CLIC5: variants seen among roughly 807,000 people sequenced by gnomAD.
The protein encoded by CLIC5 is CLIC family member 5.
In CLIC5, 20 loss-of-function variants were observed where a neutral mutation model predicts 24.7. That is an observed-to-expected ratio of 0.81 (90% CI 0.57 to 1.18). CLIC5 has a LOEUF of 1.18. Among genes scored for constraint, CLIC5 ranks in the 50% most tolerant of loss-of-function variants. The pLI, the probability that CLIC5 is intolerant of heterozygous loss-of-function variation, is 0.00. For missense variants in CLIC5, 341 were observed against 326.1 expected (o/e 1.05, Z -0.35); for synonymous variants, 159 against 135.6 (o/e 1.17, Z -1.20).
In CLIC5 at chr6:46,031,300, C is replaced by T. The variant is rs76673643; in HGVS notation, c.540+48403G>A. Among the ~76,000 whole-genome samples the T allele has an allele frequency of 3.9e-3, 598 of 152,132 alleles. 3 individuals are homozygous for T. Among genetic ancestry groups the T allele is most frequent in the African/African-American group, 0.013 (537 of 41,504 alleles). On this transcript the variant is annotated intron_variant, in intron 1 of 5. Coordinates refer to the CLIC5 transcript ENST00000185206. The stretch of plus-strand genomic sequence containing the variant: ...TACATGATTATTTGCTGTGTGCCAA[C>T]GGGTGCCATAATGAAAATAATAAAA...
intron 1 of CLIC5, among the ~76,000 whole-genome samples, chr6:46,032,308 G>T (rs546975458): frequency 3.9e-5 from 6 of 152,196 alleles, no homozygotes; most frequent in Non-Finnish European, 7.3e-5. Flanking sequence ...CCACCCCCAT[G>T]ATCCAATCAC....
At chr6:46,048,315 T>A (rs1768011436) in intron 1 of CLIC5, among the ~76,000 whole-genome samples, 1 of 152,180 alleles carries the variant, frequency 6.6e-6, no homozygotes, top group Admixed American at 6.5e-5. Context: ...ATATTATATT[T>A]TGTAGTTGGA....
chr6:45,929,199 C>T (rs896537569), intron 4 of CLIC5, among the ~76,000 whole-genome samples: 3 of 152,228 alleles, frequency 2.0e-5, no homozygotes, highest in East Asian at 1.9e-4. Flanking sequence ...CCCAAGGATT[C>T]GTTTCAGGAG....
intron 4 of CLIC5, among the ~76,000 whole-genome samples, chr6:45,940,947 A>C (rs1764107888): frequency 6.6e-6 from 1 of 152,206 alleles, no homozygotes; most frequent in Non-Finnish European, 1.5e-5. Flanking sequence ...AAGGCCCCGC[A>C]AGAGAACCAA....
the CLIC5 span, among the ~76,000 whole-genome samples, chr6:46,122,657 A>G: frequency 6.6e-6 from 1 of 152,196 alleles, no homozygotes; most frequent in Non-Finnish European, 1.5e-5. Flanking sequence ...TTTTTTAAAA[A>G]GATCAACAAA....
chr6:46,127,880 G>A, the CLIC5 span, among the ~76,000 whole-genome samples: 1 of 152,184 alleles, frequency 6.6e-6, no homozygotes, highest in South Asian at 2.1e-4. Context: ...CCCAGTGGAA[G>A]TGAAAAATGA....
At chr6:45,910,385 T>C (rs1376417489) in intron 5 of CLIC5, among the ~76,000 whole-genome samples, 3 of 152,190 alleles carry the variant, frequency 2.0e-5, no homozygotes, top group African/African-American at 7.2e-5. Flanking sequence ...GGAGATTAAA[T>C]AGGTTGGGAT....
At chr6:46,097,320 T>A in the CLIC5 span, 1 of 152,208 alleles carries the variant, frequency 6.6e-6, no homozygotes, top group Non-Finnish European at 1.5e-5. Flanking sequence ...CTTTTCTGTA[T>A]GCTGGAAATT....
chr6:46,038,312 T>C (rs1048241997), intron 1 of CLIC5, among the ~76,000 whole-genome samples: 1 of 152,254 alleles, frequency 6.6e-6, no homozygotes, highest in African/African-American at 2.4e-5. Context: ...ATCTAGGCTT[T>C]AGACTGAATG....
the CLIC5 span, among the ~76,000 whole-genome samples, chr6:46,094,164 A>G: frequency 8.5e-5 from 13 of 152,224 alleles, no homozygotes; most frequent in Admixed American, 8.5e-4. Context: ...TAAGCCAATC[A>G]TCTTCCACCA....
At chr6:46,046,849 G>T (rs542800468) in intron 1 of CLIC5, among the ~76,000 whole-genome samples, 1 of 152,292 alleles carries the variant, frequency 6.6e-6, no homozygotes, top group Non-Finnish European at 1.5e-5. Context: ...AACCATCATT[G>T]ATTTGACAAT....
At chr6:46,080,899 C>T (rs1196696809), upstream of CLIC5, among the ~76,000 whole-genome samples, 4 of 152,156 alleles carry the variant, frequency 2.6e-5, no homozygotes, top group Non-Finnish European at 5.9e-5. Context: ...TCAGTATAGA[C>T]CACCCAAATT....
chr6:45,980,965 T>G (rs6934896), intron 1 of CLIC5, among the ~76,000 whole-genome samples: 4,706 of 152,246 alleles, frequency 0.031, 242 homozygotes, highest in African/African-American at 0.1. Context: ...GTGCTTATTT[T>G]CATTTTCTGT....
chr6:45,993,498 A>G (rs1766015557), intron 1 of CLIC5, among the ~76,000 whole-genome samples: 1 of 152,214 alleles, frequency 6.6e-6, no homozygotes. Context: ...TCTTCAATCC[A>G]ATTTTGTTAC....
the CLIC5 span, among the ~76,000 whole-genome samples, chr6:46,112,443 C>T: frequency 1.2e-4 from 19 of 152,232 alleles, no homozygotes; most frequent in East Asian, 2.5e-3. Flanking sequence ...TCTGTTTTGC[C>T]GCAATCCAAG....
rs552622246 is a variant in CLIC5, at chr6:45,990,602, T to C, written c.63+24878A>G. 2.7e-4 allele frequency among the ~76,000 whole-genome samples: 41 copies of C among 152,338 alleles called. 1 individual carries two copies. Among genetic ancestry groups the C allele is most frequent in the African/African-American group, 9.9e-4 (41 of 41,584 alleles). ...TAATAACATTCACACTGCAGTTTCT[T>C]CTGAAAACCCCTGTTACATAGTAAG... is the stretch of plus-strand genomic sequence containing the variant. On this transcript the variant is annotated intron_variant, in intron 1 of 5. Transcript: ENST00000339561.
intron 1 of CLIC5, among the ~76,000 whole-genome samples, chr6:46,052,831 G>A (rs557150409): frequency 1.4e-4 from 22 of 151,966 alleles, no homozygotes; most frequent in South Asian, 1.3e-3. Flanking sequence ...CGGTGTGGAG[G>A]TGCCAGGGTA....
the CLIC5 span, among the ~76,000 whole-genome samples, chr6:46,120,444 T>C: frequency 2.2e-3 from 338 of 152,096 alleles, no homozygotes; most frequent in Middle Eastern, 6.8e-3. Context: ...GTCACCATCA[T>C]CAAAGACCAA....
chr6:46,001,623 C>T (rs890730508), intron 1 of CLIC5, among the ~76,000 whole-genome samples: 2 of 152,164 alleles, frequency 1.3e-5, no homozygotes, highest in South Asian at 2.1e-4. Flanking sequence ...GGCCTGGCAC[C>T]TGGTAGGCTT....
Sources: gnomAD v4.1 joint callset for allele counts (sites outside exome capture counted in the v4.1 genomes callset) on GRCh38, gnomAD v4.1.1 for gene constraint, MANE v1.5 for transcripts, NCBI Gene and HGNC (gene_info 2026-07-23, HGNC 2026-07-21) for gene names.